Variants in KAZN observed in about 807,000 individuals in gnomAD.
KAZN encodes kazrin.
Under a neutral mutation model 87.4 loss-of-function variants are expected in KAZN, and 40 were observed. That is an observed-to-expected ratio of 0.46 (90% CI 0.36 to 0.60). The LOEUF is 0.60. KAZN is among the 20% of genes least tolerant of loss of function. The probability of loss-of-function intolerance (pLI) is 0.00; values close to 1 mark genes in which losing one functional copy is unlikely to be tolerated. For synonymous variants in KAZN, 466 were observed against 458.3 expected (o/e 1.02, Z -0.22); for missense variants, 898 against 1,073.9 (o/e 0.84, Z 2.29).
intron 2 of KAZN, among the ~76,000 whole-genome samples, chr1:14,487,858 A>T (rs1364235394): frequency 6.6e-6 from 1 of 152,158 alleles, no homozygotes; most frequent in Non-Finnish European, 1.5e-5. Context: ...CTGGGTAGAT[A>T]GTGCTGCCTC....
chr1:14,754,212 G>T (rs1644493789), intron 1 of KAZN, among the ~76,000 whole-genome samples: 1 of 152,220 alleles, frequency 6.6e-6, no homozygotes, highest in Non-Finnish European at 1.5e-5. Context: ...TTCTGCCCAG[G>T]GTGCTTTGGG....
At chr1:14,257,979 A>G (rs1156960152) in intron 2 of KAZN, among the ~76,000 whole-genome samples, 17 of 147,292 alleles carry the variant, frequency 1.2e-4, no homozygotes, top group African/African-American at 4.4e-4. Flanking sequence ...AAAAGAGAAA[A>G]AAAAAAAAGA....
intron 2 of KAZN, among the ~76,000 whole-genome samples, chr1:14,379,145 A>G (rs1661158137): frequency 6.6e-6 from 1 of 151,020 alleles, no homozygotes; most frequent in Non-Finnish European, 1.5e-5. Flanking sequence ...GGCCAGAAGC[A>G]GACCAACTGG....
At chr1:14,771,189 A>T (rs1180819162) in intron 1 of KAZN, among the ~76,000 whole-genome samples, 1 of 152,170 alleles carries the variant, frequency 6.6e-6, no homozygotes, top group East Asian at 1.9e-4. Context: ...GAATTTTTTT[A>T]AATGCCTAAT....
rs763734771 is a variant in KAZN, at chr1:15,065,701, C to A, written c.1170C>A (p.Arg390=). 1.2e-5 allele frequency: 19 copies of A among 1,614,232 alleles called. No individual in the cohort carries two copies. The highest frequency in any genetic ancestry group is 1.6e-4 in the Middle Eastern group (1 of 6,062). The stretch of plus-strand genomic sequence containing the variant: ...AGATGGGATTCGGCTCCATCTCCCG[C>A]GTCTTCGCCAGAGGGAAGCAGCGGA... ...KEKMGFGSIS[R]VFARGKQRKS... Residue 390 remains arginine (R), a synonymous_variant, in exon 8 of 15, where the codon CGC becomes CGA. Transcript: ENST00000376030.
At chr1:14,155,898 C>A (rs577750710) in intron 1 of KAZN, among the ~76,000 whole-genome samples, 1 of 152,152 alleles carries the variant, frequency 6.6e-6, no homozygotes, top group African/African-American at 2.4e-5. Context: ...GATCCACTCA[C>A]CTTGGCCTCC....
At chr1:14,086,679 A>G (rs1643867194) in intron 1 of KAZN, among the ~76,000 whole-genome samples, 1 of 152,212 alleles carries the variant, frequency 6.6e-6, no homozygotes, top group East Asian at 1.9e-4. Context: ...ATTTTTTTCT[A>G]GAAGTTTTAT....
At position 15,094,120 on chromosome 1, in the gene KAZN, G is replaced by A. The variant is rs6693320; in HGVS notation, c.1223-60G>A. On this transcript the variant is annotated intron_variant, in intron 8 of 14. Coordinates refer to ENST00000376030, the MANE Select transcript of KAZN (RefSeq NM_201628.3). This position sits in a 1 kb window ranked among gnomAD's most constrained non-coding sequence, Gnocchi z 4.5. The stretch of plus-strand genomic sequence containing the variant: ...CCTCTGCCTCCCGGGGGTATGGCCT[G>A]CCCAGCCCCTGCCCCCAGCAGCCTC... The A allele has an allele frequency of 1.2e-4, 188 of 1,526,872 alleles. No homozygotes were observed. The highest frequency in any genetic ancestry group is 1.6e-4 in the Non-Finnish European group (178 of 1,117,704). The allele number at this position is 1,526,872 out of a possible 1,614,324, so 94.6% of individuals were successfully genotyped here.
rs540513405 is a variant in KAZN at position 14,853,766 on chromosome 1, C to T, written c.227-106918C>T. Among the ~76,000 whole-genome samples the T allele has an allele frequency of 5.3e-5, 8 of 152,300 alleles. 1 individual carries two copies. In the Middle Eastern group the frequency reaches 0.01, roughly 194 times the overall value. The stretch of plus-strand genomic sequence containing the variant: ...CAGGCTGCTCAAGGAAGTCTGGGGT[C>T]CTGACCTGTGGTCACTTGGCCCATA... On this transcript the variant is annotated intron_variant, in intron 1 of 14. Coordinates refer to ENST00000376030, the MANE Select transcript of KAZN (RefSeq NM_201628.3).
chr1:14,102,516 G>T (rs1226395077), intron 1 of KAZN, among the ~76,000 whole-genome samples: 1 of 152,000 alleles, frequency 6.6e-6, no homozygotes, highest in Admixed American at 6.6e-5. Context: ...CGTGTGTTTT[G>T]GTTTGTAAAC....
intron 1 of KAZN, among the ~76,000 whole-genome samples, chr1:14,603,020 G>A (rs1677099518): frequency 1.3e-5 from 2 of 152,152 alleles, no homozygotes; most frequent in South Asian, 4.1e-4. Flanking sequence ...AAAATAGGCT[G>A]TTACTTAAGG....
In KAZN at chr1:14,773,534, C is replaced by T. The variant is rs889119699; in HGVS notation, c.226+174311C>T. ...GGGAGGCAAAAGGGCCTGGCTTCCC[C>T]GAATCTCAGCTTCCTCATCTGAGAT... On this transcript the variant is annotated intron_variant, in intron 1 of 14. Coordinates refer to ENST00000376030, the MANE Select transcript of KAZN (RefSeq NM_201628.3). This position sits in a 1 kb window ranked among gnomAD's most constrained non-coding sequence, Gnocchi z 5.9. 3.9e-4 allele frequency among the ~76,000 whole-genome samples: 59 copies of T among 152,270 alleles called. No individual in the cohort carries two copies. Among genetic ancestry groups the T allele is most frequent in the African/African-American group, 1.4e-3 (57 of 41,558 alleles).
chr1:14,925,367 A>C (rs1444557772), intron 1 of KAZN, among the ~76,000 whole-genome samples: 2 of 152,208 alleles, frequency 1.3e-5, no homozygotes, highest in African/African-American at 4.8e-5. Context: ...ACCAGGTCCA[A>C]GTTCTGAATA....
At chr1:14,802,730 G>A (rs1053755495) in intron 1 of KAZN, among the ~76,000 whole-genome samples, 8 of 152,180 alleles carry the variant, frequency 5.3e-5, no homozygotes, top group Admixed American at 4.6e-4. Flanking sequence ...TCGTAGACAC[G>A]GACCCTGTTG....
At chr1:14,617,863 T>C (rs1243318220) in intron 1 of KAZN, among the ~76,000 whole-genome samples, 1 of 152,208 alleles carries the variant, frequency 6.6e-6, no homozygotes, top group Non-Finnish European at 1.5e-5. Context: ...TATTTTGTGG[T>C]TTGATCTATG....
intron 1 of KAZN, among the ~76,000 whole-genome samples, chr1:14,745,878 T>C (rs1480704807): frequency 6.6e-6 from 1 of 152,168 alleles, no homozygotes; most frequent in East Asian, 1.9e-4. Flanking sequence ...CAGTTTTCAT[T>C]TGTCACGAGT....
At chr1:14,487,806 A>T (rs1185190811) in intron 2 of KAZN, among the ~76,000 whole-genome samples, 1 of 152,188 alleles carries the variant, frequency 6.6e-6, no homozygotes, top group Non-Finnish European at 1.5e-5. Context: ...TTGAGGATGG[A>T]TCAGATGCCA....
intron 3 of KAZN, among the ~76,000 whole-genome samples, chr1:15,038,711 A>G (rs1270181983): frequency 3.3e-5 from 5 of 152,140 alleles, no homozygotes; most frequent in Non-Finnish European, 5.9e-5. Context: ...TTGTGCACCT[A>G]CTGTATAAGG....
chr1:13,935,145 G>A (rs1302792267), intron 1 of KAZN, among the ~76,000 whole-genome samples: 2 of 151,958 alleles, frequency 1.3e-5, no homozygotes, highest in Admixed American at 6.6e-5. Flanking sequence ...GCTGAGGCAG[G>A]AGAATCGCAT....
Sources: allele counts gnomAD v4.1 joint callset (sites outside exome capture counted in the v4.1 genomes callset), GRCh38; gene constraint gnomAD v4.1.1; non-coding constraint Gnocchi (gnomAD v3.1); transcripts MANE v1.5; gene names NCBI Gene and HGNC (gene_info 2026-07-23, HGNC 2026-07-21).